ZNF728: variants seen among roughly 807,000 people sequenced by gnomAD.
ZNF728 encodes the protein zinc finger protein 728.
ZNF728 carries 12 observed loss-of-function variants against 12.5 expected under a neutral mutation model. That is an observed-to-expected ratio of 0.96 (90% CI 0.61 to 1.55). The LOEUF is 1.55. ZNF728 is among the 40% of genes most tolerant of loss of function. The pLI is 0.00. For synonymous variants in ZNF728, 205 were observed against 240.7 expected, an observed-to-expected ratio of 0.85 and a Z score of 1.37; for missense variants, 692 against 719.2, an observed-to-expected ratio of 0.96 and a Z score of 0.43.
intron 3 of ZNF728, among the ~76,000 whole-genome samples, chr19:22,985,383 A>C (rs1261396040): frequency 6.6e-6 from 1 of 152,218 alleles, no homozygotes; most frequent in African/African-American, 2.4e-5. Flanking sequence ...TGACAGCTAC[A>C]TGGTACAGTA....
intron 1 of ZNF728, among the ~76,000 whole-genome samples, chr19:22,997,601 G>C (rs1190409324): frequency 3.3e-5 from 5 of 151,878 alleles, no homozygotes; most frequent in South Asian, 2.1e-4. Context: ...AAAAGACTGA[G>C]AGCAGTAAAA....
rs766787644 is a variant in ZNF728 at position 22,976,032 on chromosome 19, T to A, written c.1305A>T (p.Thr435=). 1 of 1,581,868 alleles carries A rather than the reference T, an allele frequency of 6.3e-7. No individual in the cohort carries two copies. Among genetic ancestry groups the A allele is most frequent in the Non-Finnish European group, 8.6e-7 (1 of 1,162,252 alleles). Residue 435 remains threonine, a synonymous_variant, in exon 4 of 4, where the codon ACA becomes ACT. Coordinates refer to ENST00000594710, the MANE Select transcript of ZNF728 (RefSeq NM_001267716.2). The part of the protein sequence containing the change: ...KCEECGKAFT[T]FSSLTKHKVI... ...CTTTATGTTTAGTAAGGCTCGAAAA[T>A]GTAGTAAAGGCTTTGCCACATTCTT...
Position 22,976,007 on chromosome 19 carries a change from C to G in ZNF728, c.1330G>C (p.Val444Leu). The change falls in exon 4 of 4, where the codon GTA (valine) becomes CTA (leucine). Residue 444 changes from valine to leucine, a missense_variant. Physicochemically the swap from Val to Leu is conservative, Grantham distance 32. This residue lies in a region of ZNF728 where 244 missense variants were observed against 235.2 expected (regional missense o/e 1.04). Transcript: ENST00000594710. The part of the protein sequence containing the change: ...TTFSSLTKHK[V>L]IHTGEKHYKC... ...TAGTGTTTCTCTCCAGTATGAATTA[C>G]TTTATGTTTAGTAAGGCTCGAAAAT... The G allele has an allele frequency of 1.2e-6, 2 of 1,609,910 alleles. No homozygotes were observed. The highest frequency in any genetic ancestry group is 1.7e-6 in the Non-Finnish European group (2 of 1,178,890).
intron 1 of ZNF728, among the ~76,000 whole-genome samples, chr19:22,992,006 AAAAT>A (rs1968993379): frequency 6.6e-6 from 1 of 152,224 alleles, no homozygotes; most frequent in Non-Finnish European, 1.5e-5. Context: ...TTTTAGAAGA[AAAAT>A]AAGTATTCTT....
In ZNF728 at chr19:22,988,451, C is replaced by A. The variant is rs746798924; in HGVS notation, c.4G>T (p.Gly2Ter). 6.2e-7 allele frequency: 1 copy of A among 1,613,736 alleles called. No homozygotes were observed. Reference sequence around the variant, plus strand: ...GCCACATCCCGAAATGTCAACGATCCCTGGAAAACACACACAAACACACAT... The same window carrying A: ...GCCACATCCCGAAATGTCAACGATCACTGGAAAACACACACAAACACACAT... The part of the protein sequence containing the change: M[G>*]SLTFRDVAIQ... The change falls in exon 2 of 4, where the codon GGA (glycine) becomes TGA (stop). Residue 2 changes from glycine to a stop codon, truncating the protein, a stop_gained and splice_region_variant. Coordinates refer to ENST00000594710, the MANE Select transcript of ZNF728 (RefSeq NM_001267716.2). LOFTEE classifies it high-confidence loss of function.
At chr19:22,990,369 A>G (rs1968973976) in intron 1 of ZNF728, among the ~76,000 whole-genome samples, 2 of 152,314 alleles carry the variant, frequency 1.3e-5, no homozygotes, top group Non-Finnish European at 2.9e-5. Context: ...CCTTTAAAAG[A>G]GTCAGCACCA....
rs1187256664 is a variant in ZNF728 at position 22,976,498 on chromosome 19, C to A, written c.839G>T (p.Gly280Val). Residue 280 changes from glycine to valine, a missense_variant, in exon 4 of 4, where the codon GGA (glycine) becomes GTA (valine). Around this residue, in one of 3 missense-constraint regions of ZNF728, gnomAD observed 440 missense variants for 459.6 expected, o/e 0.96. Coordinates refer to ENST00000594710, the MANE Select transcript of ZNF728 (RefSeq NM_001267716.2). ...SLIEHKRSHA[G>V]EKPYKCEECG... ...TTCTTCACATTTGTAGGGTTTCTCTCCAGCATGACTTCTCTTATGTTCAAT... is the reference window on the plus strand; with the variant it reads ...TTCTTCACATTTGTAGGGTTTCTCTACAGCATGACTTCTCTTATGTTCAAT... 1.2e-6 allele frequency: 2 copies of A among 1,612,964 alleles called. No homozygotes were observed. Among genetic ancestry groups the A allele is most frequent in the Non-Finnish European group, 1.7e-6 (2 of 1,179,978 alleles).
In ZNF728 at chr19:22,976,585, G is replaced by A. The variant is rs1379619077; in HGVS notation, c.752C>T (p.Thr251Ile). The change falls in exon 4 of 4, where the codon ACT becomes ATT. Residue 251 changes from threonine to isoleucine, a missense_variant. Physicochemically the swap from Thr to Ile is moderately conservative, Grantham distance 89. Transcript: ENST00000594710. ...TTCACATTTGTAATGTTTCTCTCCA[G>A]TATGAATTACCTTATGCTTAGTAAG... is the stretch of plus-strand genomic sequence containing the variant. The part of the protein sequence containing the change: ...SILTKHKVIH[T>I]GEKHYKCEEC... The A allele has an allele frequency of 3.1e-6, 5 of 1,610,944 alleles. No homozygotes were observed. Among genetic ancestry groups the A allele is most frequent in the Non-Finnish European group, 4.2e-6 (5 of 1,178,558 alleles).
intron 1 of ZNF728, 136 bp from the exon 2 acceptor site, chr19:22,988,587 A>G: frequency 1.6e-6 from 2 of 1,278,186 alleles, no homozygotes; most frequent in Non-Finnish European, 2.2e-6. Flanking sequence ...TCAATAAAAT[A>G]GTTTTCAACA....
At chr19:22,980,557 C>T (rs1317452726) in intron 3 of ZNF728, among the ~76,000 whole-genome samples, 1 of 152,124 alleles carries the variant, frequency 6.6e-6, no homozygotes, top group Non-Finnish European at 1.5e-5. Context: ...GAACTCTTTA[C>T]CCCAAATCAA....
chr19:23,000,886 C>T (rs200993930), intron 1 of ZNF728, among the ~76,000 whole-genome samples: 29 of 98,238 alleles, frequency 3.0e-4, no homozygotes, highest in African/African-American at 1.6e-3. Context: ...AAAAAAAAAA[C>T]CAAAAAAAAA....
At chr19:23,001,792 T>C (rs1290509161) in intron 1 of ZNF728, among the ~76,000 whole-genome samples, 1 of 152,048 alleles carries the variant, frequency 6.6e-6, no homozygotes, top group African/African-American at 2.4e-5. Context: ...ATAATATGAA[T>C]AAGGGAGGGG....
intron 1 of ZNF728, among the ~76,000 whole-genome samples, chr19:23,001,347 A>C (rs1253898611): frequency 6.6e-6 from 1 of 152,244 alleles, no homozygotes; most frequent in Non-Finnish European, 1.5e-5. Context: ...CCAAAAAAAC[A>C]GCACACCAGA....
chr19:23,002,223 G>A (rs527928243), intron 1 of ZNF728, among the ~76,000 whole-genome samples: 98 of 152,338 alleles, frequency 6.4e-4, no homozygotes, highest in Middle Eastern at 6.8e-3. Context: ...GCTAAGGCAG[G>A]AGAATCGCTT....
chr19:22,981,916 C>T (rs1156649222), intron 3 of ZNF728, among the ~76,000 whole-genome samples: 2 of 152,116 alleles, frequency 1.3e-5, no homozygotes, highest in Non-Finnish European at 2.9e-5. Flanking sequence ...AACCCACAGA[C>T]AATGTCATAC....
At chr19:22,982,088 C>CT (rs1968866630) in intron 3 of ZNF728, among the ~76,000 whole-genome samples, 2 of 152,098 alleles carry the variant, frequency 1.3e-5, no homozygotes, top group African/African-American at 4.8e-5. Context: ...GGAAGTCACA[C>CT]TTTCTCTATC....
chr19:22,994,222 C>G (rs74782758), intron 1 of ZNF728, among the ~76,000 whole-genome samples: 4,499 of 152,164 alleles, frequency 0.03, 241 homozygotes, highest in African/African-American at 0.1. Context: ...TGATAGATAC[C>G]AAGTAGGCAG....
chr19:22,993,906 C>A (rs1454557741), intron 1 of ZNF728, among the ~76,000 whole-genome samples: 3 of 151,508 alleles, frequency 2.0e-5, no homozygotes, highest in Non-Finnish European at 2.9e-5. Flanking sequence ...CTTTTTTTTT[C>A]TTCTCAATTC....
intron 1 of ZNF728, among the ~76,000 whole-genome samples, chr19:23,000,872 AAAAAAAAAAAAAACC>A (rs1458407349): frequency 5.0e-5 from 7 of 140,450 alleles, no homozygotes; most frequent in Non-Finnish European, 7.4e-5. Context: ...TGTCAAAAAA[AAAAAAAAAAAAAACC>A]AAAAAAAAAA....
Sources: allele counts gnomAD v4.1 joint callset (sites outside exome capture counted in the v4.1 genomes callset), GRCh38; gene constraint gnomAD v4.1.1; regional missense constraint gnomAD v4.1.1; transcripts MANE v1.5; gene names NCBI Gene and HGNC (gene_info 2026-07-23, HGNC 2026-07-21).